Variants in GSE1 observed in about 807,000 individuals in gnomAD.
GSE1 encodes the protein Gse1 coiled-coil protein.
GSE1 carries 32 observed loss-of-function variants against 112.6 expected under a neutral mutation model. The ratio of observed to expected loss-of-function variants is 0.28; its 90% confidence interval spans 0.21 to 0.38. The LOEUF is 0.38. Among genes scored for constraint, GSE1 ranks in the 10% least tolerant of loss-of-function variants. GSE1 has a pLI of 1.00. For synonymous variants in GSE1, 1,115 were observed against 735.6 expected, an observed-to-expected ratio of 1.52 and a Z score of -8.35; for missense variants, 2,348 against 1,699.2, an observed-to-expected ratio of 1.38 and a Z score of -6.71.
At chr16:85,388,970 T>C (rs2047769673) in intron 2 of GSE1, among the ~76,000 whole-genome samples, 2 of 151,740 alleles carry the variant, frequency 1.3e-5, no homozygotes, top group Non-Finnish European at 2.9e-5. Context: ...TGGGAATAGA[T>C]CATGAAGGAA....
At chr16:85,246,922 G>T (rs1905913852) in intron 1 of GSE1, among the ~76,000 whole-genome samples, 1 of 152,084 alleles carries the variant, frequency 6.6e-6, no homozygotes, top group Admixed American at 6.5e-5. Context: ...GGGCTAGGTT[G>T]GGTTACCCCC....
intron 2 of GSE1, among the ~76,000 whole-genome samples, chr16:85,417,775 A>G (rs912698572): frequency 4.7e-4 from 71 of 152,260 alleles, no homozygotes; most frequent in African/African-American, 1.7e-3. Flanking sequence ...ACAGTCCTGA[A>G]TGCTGGGCTG....
chr16:85,468,170 T>C lies in GSE1; in HGVS notation c.2464+110527T>C, dbSNP rs1367561432. 7.1e-5 allele frequency among the ~76,000 whole-genome samples: 9 copies of C among 127,208 alleles called. 1 individual carries two copies. The allele number at this position is 127,208 out of a possible 152,430, so 83.5% of individuals were successfully genotyped here. Reference sequence around the variant, plus strand: ...CAGGTGTTTCTGTACTTGGGGTTCCTTGAACCACAAGAAGGTGGGAAAGCC... The same window carrying C: ...CAGGTGTTTCTGTACTTGGGGTTCCCTGAACCACAAGAAGGTGGGAAAGCC... On this transcript the variant is annotated intron_variant, in intron 2 of 2. Transcript: ENST00000637419.
intron 1 of GSE1, among the ~76,000 whole-genome samples, chr16:85,235,471 T>TGTGTGTGTG: frequency 9.3e-6 from 1 of 107,158 alleles, no homozygotes; most frequent in African/African-American, 3.6e-5. Flanking sequence ...TGTGTGTGTG[T>TGTGTGTGTG]AGGGGGTGTG....
intron 2 of GSE1, among the ~76,000 whole-genome samples, chr16:85,387,232 C>T (rs535682319): frequency 6.6e-6 from 1 of 152,144 alleles, no homozygotes; most frequent in Non-Finnish European, 1.5e-5. Context: ...CATGGTCCAG[C>T]CCCAGGCCTC....
intron 1 of GSE1, among the ~76,000 whole-genome samples, chr16:85,572,802 C>G (rs2046064678): frequency 6.6e-6 from 1 of 152,174 alleles, no homozygotes; most frequent in Non-Finnish European, 1.5e-5. Context: ...GGTGTGGGGC[C>G]TTGTCTATTA....
intron 1 of GSE1, among the ~76,000 whole-genome samples, chr16:85,316,654 G>A (rs143726517): frequency 0.011 from 1,694 of 152,328 alleles, 11 homozygotes; most frequent in Non-Finnish European, 0.017. Context: ...TGCAAGGACA[G>A]CAGACGTCCT....
intron 2 of GSE1, among the ~76,000 whole-genome samples, chr16:85,461,410 C>G (rs1371371634): frequency 2.6e-5 from 4 of 152,206 alleles, no homozygotes; most frequent in Non-Finnish European, 4.4e-5. Flanking sequence ...TCTACCTTGG[C>G]TGCGCACTGG....
chr16:85,653,140 A>G (rs1183457441), intron 3 of GSE1, among the ~76,000 whole-genome samples: 1 of 129,040 alleles, frequency 7.7e-6, no homozygotes, highest in Admixed American at 8.8e-5. Context: ...GCAGCCATCC[A>G]GAGTCCAGAG....
chr16:85,204,216 C>T (rs1204003098), intron 1 of GSE1, among the ~76,000 whole-genome samples: 1 of 152,238 alleles, frequency 6.6e-6, no homozygotes, highest in African/African-American at 2.4e-5. Context: ...TAAATGGAAT[C>T]ATAACATGTG....
chr16:85,388,873 G>A (rs1233694109), intron 2 of GSE1, among the ~76,000 whole-genome samples: 1 of 152,204 alleles, frequency 6.6e-6, no homozygotes, highest in Non-Finnish European at 1.5e-5. Context: ...CAGGACAAGT[G>A]ACTGGGTGAT....
chr16:85,240,057 G>T (rs182189210), intron 1 of GSE1, among the ~76,000 whole-genome samples: 98 of 152,360 alleles, frequency 6.4e-4, no homozygotes, highest in Admixed American at 1.9e-3. Context: ...GCCCTGTGGC[G>T]CCGCCAGTGC....
intron 2 of GSE1, among the ~76,000 whole-genome samples, chr16:85,518,547 C>T (rs1567554710): frequency 6.6e-6 from 1 of 152,194 alleles, no homozygotes; most frequent in Admixed American, 6.5e-5. Flanking sequence ...ATTCAGCTTC[C>T]GGCCCCAATT....
At chr16:85,236,202 C>T (rs1056421351) in intron 1 of GSE1, among the ~76,000 whole-genome samples, 2 of 152,168 alleles carry the variant, frequency 1.3e-5, no homozygotes, top group Non-Finnish European at 2.9e-5. Context: ...CTTGGGGCCC[C>T]CATAGTACGG....
At chr16:85,421,106 A>C (rs557145963) in intron 2 of GSE1, among the ~76,000 whole-genome samples, 3 of 152,342 alleles carry the variant, frequency 2.0e-5, no homozygotes, top group Admixed American at 6.5e-5. Flanking sequence ...GGTGTTGAGC[A>C]CAGAGCCCGG....
chr16:85,600,643 C>A (rs2047424456), intron 1 of GSE1, among the ~76,000 whole-genome samples: 1 of 151,932 alleles, frequency 6.6e-6, no homozygotes, highest in Non-Finnish European at 1.5e-5. Flanking sequence ...TTCCTGGTGG[C>A]TCTTTGCAAA....
At chr16:85,287,021 C>T (rs2045051814) in intron 1 of GSE1, among the ~76,000 whole-genome samples, 2 of 152,220 alleles carry the variant, frequency 1.3e-5, no homozygotes, top group Non-Finnish European at 1.5e-5. Flanking sequence ...GGGTGCCGCC[C>T]GCCACAGCTG....
chr16:85,260,952 G>A (rs535259523), intron 1 of GSE1, among the ~76,000 whole-genome samples: 7 of 152,214 alleles, frequency 4.6e-5, no homozygotes, highest in Non-Finnish European at 8.8e-5. Flanking sequence ...GGGAGAAAGC[G>A]AATGTGTTTG....
At chr16:85,613,073 G>A (rs1343214476), upstream of GSE1, 4 of 554,138 alleles carry the variant, frequency 7.2e-6, no homozygotes, top group African/African-American at 8.1e-5. Flanking sequence ...CGTGTGCCTG[G>A]GCGGGTGGAT....
Sources: gnomAD v4.1 joint callset for allele counts (sites outside exome capture counted in the v4.1 genomes callset) on GRCh38, gnomAD v4.1.1 for gene constraint, MANE v1.5 for transcripts, NCBI Gene and HGNC (gene_info 2026-07-23, HGNC 2026-07-21) for gene names.